The following GOLGA4 variants were observed in gnomAD, a reference collection of about 807,000 sequenced individuals.
GOLGA4 encodes golgin subfamily A member 4.
GOLGA4 carries 169 observed loss-of-function variants against 265.9 expected under a neutral mutation model. The observed-to-expected ratio is 0.64, with a 90% confidence interval of 0.56 to 0.72. GOLGA4 has a LOEUF of 0.72. Ranked by LOEUF, GOLGA4 falls within the 30% of genes least tolerant of loss-of-function variation. The pLI is 0.00. For missense variants in GOLGA4, 2,482 were observed against 2,483.4 expected (o/e 1.00, Z 0.01); for synonymous variants, 923 against 855.8 (o/e 1.08, Z -1.37).
Position 37,286,062 on chromosome 3 carries a change from G to A in GOLGA4, c.525+1G>A. On this transcript the variant is annotated splice_donor_variant, in intron 4 of 23. Coordinates refer to ENST00000361924, the MANE Select transcript of GOLGA4 (RefSeq NM_002078.5). LOFTEE classifies it high-confidence loss of function. ...TCAGAGAGAGAAGAAAAAGCTACAA[G>A]TAAGTGATTTGTCAACTGCATTACT... 1 of 1,455,288 alleles carries A rather than the reference G, an allele frequency of 6.9e-7. No individual in the cohort carries two copies. The highest frequency in any genetic ancestry group is 1.2e-5 in the South Asian group (1 of 86,600). The allele number at this position is 1,455,288 out of a possible 1,614,324, so 90.1% of individuals were successfully genotyped here.
chr3:37,358,900 C>T (rs2097097335), intron 22 of GOLGA4, among the ~76,000 whole-genome samples: 1 of 152,132 alleles, frequency 6.6e-6, no homozygotes, highest in African/African-American at 2.4e-5. Flanking sequence ...TGCTGTATAA[C>T]TTAGCGCAAA....
intron 2 of GOLGA4, among the ~76,000 whole-genome samples, chr3:37,265,231 A>G (rs2096780480): frequency 6.6e-6 from 1 of 152,004 alleles, no homozygotes; most frequent in Non-Finnish European, 1.5e-5. Context: ...TTTATTGTAC[A>G]TCTAATTAAT....
chr3:37,256,169 T>C (rs1402827995), intron 2 of GOLGA4, among the ~76,000 whole-genome samples: 3 of 152,214 alleles, frequency 2.0e-5, no homozygotes, highest in Non-Finnish European at 4.4e-5. Flanking sequence ...TGGGTCCATA[T>C]GTCCATATTT....
At chr3:37,308,048 A>G (rs1182342076) in intron 10 of GOLGA4, among the ~76,000 whole-genome samples, 4 of 152,138 alleles carry the variant, frequency 2.6e-5, no homozygotes, top group Non-Finnish European at 5.9e-5. Flanking sequence ...AGCCTGGCCA[A>G]CATGGTAAAC....
chr3:37,275,832 G>A, intron 2 of GOLGA4: 1 of 1,613,804 alleles, frequency 6.2e-7, no homozygotes, highest in Non-Finnish European at 8.5e-7. Flanking sequence ...ACAAGAATCG[G>A]AATGTCAGTT....
At chr3:37,269,737 A>G (rs990300053) in intron 2 of GOLGA4, among the ~76,000 whole-genome samples, 9 of 152,268 alleles carry the variant, frequency 5.9e-5, no homozygotes, top group South Asian at 4.1e-4. Flanking sequence ...TCACAGGGCA[A>G]CTTAGGCCAG....
chr3:37,298,405 A>G (rs1321606221), intron 7 of GOLGA4, among the ~76,000 whole-genome samples: 27 of 152,118 alleles, frequency 1.8e-4, no homozygotes, highest in Non-Finnish European at 1.5e-5. Flanking sequence ...AGATGAGCCA[A>G]TTTATCGATC....
At chr3:37,244,642 A>C (rs1293934152) in intron 1 of GOLGA4, among the ~76,000 whole-genome samples, 1 of 152,200 alleles carries the variant, frequency 6.6e-6, no homozygotes, top group African/African-American at 2.4e-5. Flanking sequence ...ACTTGGAGGC[A>C]TTTCTAAATT....
chr3:37,360,410 G>C (rs1578884862), intron 22 of GOLGA4, among the ~76,000 whole-genome samples: 1 of 152,126 alleles, frequency 6.6e-6, no homozygotes, highest in Non-Finnish European at 1.5e-5. Context: ...TAACCTCATT[G>C]TGTTGTGTGT....
chr3:37,342,907 T>G (rs141744019), intron 20 of GOLGA4, among the ~76,000 whole-genome samples: 1 of 152,302 alleles, frequency 6.6e-6, no homozygotes, highest in East Asian at 1.9e-4. Flanking sequence ...ATATAATTTT[T>G]TTTCTTTTTT....
At chr3:37,258,697 G>A (rs556211351) in intron 2 of GOLGA4, among the ~76,000 whole-genome samples, 17 of 152,098 alleles carry the variant, frequency 1.1e-4, no homozygotes, top group African/African-American at 2.4e-5. Context: ...ATGGCTTAAA[G>A]GCATCGTTTT....
At chr3:37,346,653 G>A (rs1388621127) in intron 20 of GOLGA4, among the ~76,000 whole-genome samples, 11 of 152,080 alleles carry the variant, frequency 7.2e-5, no homozygotes, top group Non-Finnish European at 1.2e-4. Flanking sequence ...TGTTTCTCTA[G>A]GTTATATTGC....
chr3:37,309,231 G>A (rs1014689948), intron 10 of GOLGA4, among the ~76,000 whole-genome samples: 4 of 149,066 alleles, frequency 2.7e-5, no homozygotes, highest in African/African-American at 5.0e-5. Flanking sequence ...CAGCCTGGGC[G>A]ACAGAGCGAG....
At chr3:37,358,416 T>C (rs1197447442) in intron 22 of GOLGA4, among the ~76,000 whole-genome samples, 1 of 152,202 alleles carries the variant, frequency 6.6e-6, no homozygotes, top group Non-Finnish European at 1.5e-5. Context: ...TCGAGTAGAT[T>C]TTATAGATGA....
At chr3:37,320,138 A>G (rs375962642) in intron 12 of GOLGA4, 2 of 122,636 alleles carry the variant, frequency 1.6e-5, no homozygotes, top group African/African-American at 2.5e-5. Context: ...CTGAGCTAAC[A>G]AAAACAACCA....
chr3:37,355,688 G>A (rs1453619348), intron 22 of GOLGA4, among the ~76,000 whole-genome samples: 1 of 152,048 alleles, frequency 6.6e-6, no homozygotes, highest in African/African-American at 2.4e-5. Context: ...AAAACATAGT[G>A]TGAAGTCAGC....
At chr3:37,288,103 A>AT (rs1203747752) in intron 4 of GOLGA4, among the ~76,000 whole-genome samples, 45,173 of 118,470 alleles carry the variant, frequency 0.38, 10,101 homozygotes, top group African/African-American at 0.48. Context: ...TAGCTTCTTG[A>AT]TTTTTTTTTT....
At chr3:37,299,886 C>CAA (rs761312241) in intron 9 of GOLGA4, among the ~76,000 whole-genome samples, 2 of 125,210 alleles carry the variant, frequency 1.6e-5, no homozygotes, top group Non-Finnish European at 1.7e-5. Flanking sequence ...CTCCTCTCTA[C>CAA]AAAAAAAAAA....
chr3:37,325,471 T>C lies in GOLGA4; in HGVS notation c.3585T>C (p.Ser1195=), dbSNP rs1394837983. Reference sequence around the variant, plus strand: ...GTTTGAAATCTTCACATGAAAAAAGTAACAAAAGCCTAGAGGACAAGAGCT... The same window carrying C: ...GTTTGAAATCTTCACATGAAAAAAGCAACAAAAGCCTAGAGGACAAGAGCT... ...FQSLKSSHEK[S]NKSLEDKSLE... is the part of the protein sequence containing the mutation. The change falls in exon 14 of 24, where the codon AGT becomes AGC. Residue 1195 remains serine (S), a synonymous_variant. Coordinates refer to ENST00000361924, the MANE Select transcript of GOLGA4 (RefSeq NM_002078.5). 2 of 1,612,092 alleles carry C rather than the reference T, an allele frequency of 1.2e-6. No individual in the cohort carries two copies. Among genetic ancestry groups the C allele is most frequent in the South Asian group, 1.1e-5 (1 of 90,542 alleles).
Sources: allele counts gnomAD v4.1 joint callset (sites outside exome capture counted in the v4.1 genomes callset), GRCh38; gene constraint gnomAD v4.1.1; transcripts MANE v1.5; gene names NCBI Gene and HGNC (gene_info 2026-07-23, HGNC 2026-07-21).